The following PCYT1B variants were observed in gnomAD, a reference collection of about 807,000 sequenced individuals.
The protein encoded by PCYT1B is choline-phosphate cytidylyltransferase B.
Under a neutral mutation model 26.4 loss-of-function variants are expected in PCYT1B, and 10 were observed. That is an observed-to-expected ratio of 0.38 (90% CI 0.23 to 0.64). The LOEUF is 0.64. Ranked by LOEUF, PCYT1B falls within the 30% of genes least tolerant of loss-of-function variation. The pLI is 0.56. For missense variants in PCYT1B, 161 were observed against 292.7 expected, an observed-to-expected ratio of 0.55 and a Z score of 3.28; for synonymous variants, 131 against 108.4, an observed-to-expected ratio of 1.21 and a Z score of -1.29.
rs1463089487 is a variant in PCYT1B, at chrX:24,560,877, C to A, written c.*1416G>T. The A allele has an allele frequency of 1.8e-5, 2 of 111,950 alleles. No homozygotes were observed. The highest frequency in any genetic ancestry group is 3.8e-5 in the Non-Finnish European group (2 of 53,195). The allele number at this position is 111,950 out of a possible 1,213,427, so 9.2% of individuals were successfully genotyped here. ...CAAAGAGTTTGGTTCTATGCCTTAA[C>A]TCTCCCTGCTCATTTCGCACAGGTG... is the stretch of plus-strand genomic sequence containing the variant. On this transcript the variant is annotated 3_prime_UTR_variant, in exon 8 of 8. Coordinates refer to ENST00000379144, the MANE Select transcript of PCYT1B (RefSeq NM_004845.5).
At chrX:24,657,563 T>G (rs889426322) in intron 1 of PCYT1B, among the ~76,000 whole-genome samples, 5 of 112,262 alleles carry the variant, frequency 4.5e-5, no homozygotes, top group Middle Eastern at 4.6e-3. Context: ...AAACTCTTAG[T>G]CACAATCACT....
chrX:24,592,299 A>G (rs1011803060), intron 3 of PCYT1B, among the ~76,000 whole-genome samples: 1 of 111,902 alleles, frequency 8.9e-6, no homozygotes, highest in African/African-American at 3.2e-5. Flanking sequence ...GAACAAAAAT[A>G]TGATCATTTT....
intron 2 of PCYT1B, among the ~76,000 whole-genome samples, chrX:24,615,588 C>T (rs1239312973): frequency 9.1e-6 from 1 of 110,092 alleles, no homozygotes; most frequent in Non-Finnish European, 1.9e-5. Context: ...CCTCAGCCTC[C>T]CAAGTAGCTG....
At chrX:24,564,324 T>C (rs772745233) in intron 7 of PCYT1B, among the ~76,000 whole-genome samples, 1 of 110,603 alleles carries the variant, frequency 9.0e-6, no homozygotes, top group East Asian at 2.8e-4. Context: ...CTTTTTAGTG[T>C]ACAGTTCTGT....
At chrX:24,672,654 C>T in exon 1 of PCYT1B, 3 of 1,169,210 alleles carry the variant, frequency 2.6e-6, no homozygotes, top group Non-Finnish European at 3.5e-6. Context: ...ATCTTTTTAT[C>T]TTCTCTAGAG....
intron 1 of PCYT1B, among the ~76,000 whole-genome samples, chrX:24,656,267 CTTTGT>C (rs1317691038): frequency 6.1e-5 from 6 of 98,117 alleles, no homozygotes; most frequent in Admixed American, 3.5e-4. Context: ...AATGAAAGTG[CTTTGT>C]TTTATTATTA....
At chrX:24,669,592 T>G (rs182101359) in intron 1 of PCYT1B, among the ~76,000 whole-genome samples, 46 of 109,455 alleles carry the variant, frequency 4.2e-4, no homozygotes, top group African/African-American at 1.5e-3. Flanking sequence ...TAATTAAAAT[T>G]CTAATTTAAA....
chrX:24,647,863 T>C (rs187200004), upstream of PCYT1B, among the ~76,000 whole-genome samples: 1 of 112,119 alleles, frequency 8.9e-6, no homozygotes, highest in Non-Finnish European at 1.9e-5. Flanking sequence ...CCTGGAGCCC[T>C]CCCCTGGGGC....
intron 1 of PCYT1B, among the ~76,000 whole-genome samples, chrX:24,624,049 A>C (rs766996948): frequency 1.9e-5 from 2 of 103,466 alleles, no homozygotes; most frequent in South Asian, 9.1e-4. Flanking sequence ...TGCTCACTGC[A>C]AGCTCCACTT....
In PCYT1B at chrX:24,587,257, C is replaced by T. The variant is rs770128567; in HGVS notation, c.549G>A (p.Lys183=). ...ATGCCTCACCTGCTTCCTTTATGTG[C>T]TTGTAAACATCATCAGAGCCAGCAG... The part of the protein sequence containing the change: ...YSSAGSDDVY[K]HIKEAGMFVP... The change falls in exon 5 of 8, where the codon AAG becomes AAA. Residue 183 remains lysine, a synonymous_variant. Transcript: ENST00000379144. The T allele has an allele frequency of 5.0e-6, 6 of 1,200,903 alleles. No homozygotes were observed. The highest frequency in any genetic ancestry group is 1.8e-5 in the South Asian group (1 of 56,485).
intron 3 of PCYT1B, among the ~76,000 whole-genome samples, chrX:24,604,400 C>T (rs188980338): frequency 1.2e-3 from 132 of 111,723 alleles, no homozygotes; most frequent in African/African-American, 4.0e-3. Context: ...CAGGATGTCA[C>T]TGAATTTTAT....
chrX:24,561,931 A>C lies in PCYT1B; in HGVS notation c.*362T>G. 4.0e-6 allele frequency: 2 copies of C among 494,139 alleles called. No individual in the cohort carries two copies. Among genetic ancestry groups the C allele is most frequent in the Non-Finnish European group, 3.5e-6 (1 of 284,531 alleles). 40.7% of individuals were successfully genotyped at this position (494,139 alleles called of 1,213,427 possible). ...GACGCAGAAGTAGCAGGTTGAGGGAACAGCCGCTGCCACAGGTGGTTTACT... is the reference window on the plus strand; with the variant it reads ...GACGCAGAAGTAGCAGGTTGAGGGACCAGCCGCTGCCACAGGTGGTTTACT... On this transcript the variant is annotated 3_prime_UTR_variant, in exon 8 of 8. Coordinates refer to ENST00000379144, the MANE Select transcript of PCYT1B (RefSeq NM_004845.5).
At chrX:24,667,378 G>A (rs1489876056) in intron 1 of PCYT1B, among the ~76,000 whole-genome samples, 1 of 110,842 alleles carries the variant, frequency 9.0e-6, no homozygotes, top group African/African-American at 3.3e-5. Context: ...GGAATTGCAG[G>A]GAGATAGATA....
chrX:24,665,581 G>A lies in PCYT1B; in HGVS notation c.63+6989C>T, dbSNP rs184115077. Among the ~76,000 whole-genome samples, 202 of 111,276 alleles carry A rather than the reference G, an allele frequency of 1.8e-3. 1 individual carries two copies. The East Asian group carries it at 0.052, about 29-fold the overall frequency. On this transcript the variant is annotated intron_variant, in intron 1 of 7. Transcript: ENST00000379145. ...GCTGGGATTACAGTCGTGAGCCACC[G>A]CGCCTGGCCCCATTTTATTTTTCAA...
intron 1 of PCYT1B, among the ~76,000 whole-genome samples, chrX:24,658,420 G>A (rs1008542862): frequency 1.3e-4 from 14 of 109,105 alleles, no homozygotes; most frequent in African/African-American, 4.7e-4. Flanking sequence ...AGGGTCAGAA[G>A]TCTGAAATGG....
intron 2 of PCYT1B, among the ~76,000 whole-genome samples, chrX:24,615,380 C>T (rs758818795): frequency 1.8e-5 from 2 of 111,581 alleles, no homozygotes; most frequent in East Asian, 5.6e-4. Flanking sequence ...CCCAATTTCA[C>T]CCAGTTAGCT....
chrX:24,657,444 C>T (rs762531048), intron 1 of PCYT1B, among the ~76,000 whole-genome samples: 1 of 112,353 alleles, frequency 8.9e-6, no homozygotes, highest in African/African-American at 3.2e-5. Context: ...TAATTTTCAA[C>T]ACTTAAGGGC....
intron 5 of PCYT1B, among the ~76,000 whole-genome samples, chrX:24,586,852 C>T (rs1486437326): frequency 2.7e-5 from 3 of 111,759 alleles, no homozygotes; most frequent in African/African-American, 9.8e-5. Flanking sequence ...TATTAACTAG[C>T]CAGTTATCTA....
intron 1 of PCYT1B, among the ~76,000 whole-genome samples, chrX:24,621,273 C>T (rs1925693350): frequency 9.0e-6 from 1 of 111,056 alleles, no homozygotes; most frequent in Non-Finnish European, 1.9e-5. Flanking sequence ...TTATTTGAAC[C>T]TCAGTTTCAT....
Sources: gnomAD v4.1 joint callset for allele counts (sites outside exome capture counted in the v4.1 genomes callset) on GRCh38, gnomAD v4.1.1 for gene constraint, MANE v1.5 for transcripts, NCBI Gene and HGNC (gene_info 2026-07-23, HGNC 2026-07-21) for gene names.